The following CDH12 variants were observed in gnomAD, a reference collection of about 807,000 sequenced individuals.
The protein encoded by CDH12 is cadherin 12, also known as cadherin-12.
A neutral mutation model predicts 74.1 loss-of-function variants in CDH12; 41 were observed. The ratio of observed to expected loss-of-function variants is 0.55; its 90% CI spans 0.43 to 0.72. The LOEUF is 0.72. CDH12 is among the 30% of genes least tolerant of loss of function. The probability of loss-of-function intolerance (pLI) is 0.00; values close to 1 mark genes in which losing one functional copy is unlikely to be tolerated. For missense variants in CDH12, 945 were observed against 977.2 expected, an observed-to-expected ratio of 0.97 and a Z score of 0.44; for synonymous variants, 399 against 355.0, an observed-to-expected ratio of 1.12 and a Z score of -1.39.
intron 2 of CDH12, among the ~76,000 whole-genome samples, chr5:22,499,868 A>C (rs906467009): frequency 1.3e-5 from 2 of 152,158 alleles, no homozygotes; most frequent in Non-Finnish European, 2.9e-5. Context: ...TATCTGCCAC[A>C]CTGGCCACAC....
chr5:22,586,505 A>ATATG (rs10690167), intron 1 of CDH12, among the ~76,000 whole-genome samples: 1 of 147,370 alleles, frequency 6.8e-6, no homozygotes, highest in Non-Finnish European at 1.5e-5. Flanking sequence ...ATATATATAT[A>ATATG]AATAAAAATA....
chr5:22,282,264 A>G (rs1025472583), intron 3 of CDH12, among the ~76,000 whole-genome samples: 1 of 152,216 alleles, frequency 6.6e-6, no homozygotes, highest in African/African-American at 2.4e-5. Flanking sequence ...ACAGACTTAA[A>G]CATACGACCT....
At chr5:22,567,413 T>C (rs1382395544) in intron 1 of CDH12, among the ~76,000 whole-genome samples, 3 of 152,234 alleles carry the variant, frequency 2.0e-5, no homozygotes, top group Admixed American at 6.5e-5. Context: ...CGTCTCTCCC[T>C]CATCAGGTCT....
At chr5:22,531,604 T>C (rs1353803274) in intron 1 of CDH12, among the ~76,000 whole-genome samples, 1 of 152,138 alleles carries the variant, frequency 6.6e-6, no homozygotes, top group Non-Finnish European at 1.5e-5. Flanking sequence ...TAACATATTA[T>C]GCAGAAATAT....
At chr5:22,697,423 T>A (rs961834703) in intron 1 of CDH12, among the ~76,000 whole-genome samples, 3 of 151,564 alleles carry the variant, frequency 2.0e-5, no homozygotes, top group Non-Finnish European at 4.4e-5. Flanking sequence ...ATAGAAAAAA[T>A]TAGCCAGGCG....
At chr5:22,203,113 T>A (rs1305625488) in intron 4 of CDH12, among the ~76,000 whole-genome samples, 2 of 152,190 alleles carry the variant, frequency 1.3e-5, no homozygotes, top group Non-Finnish European at 2.9e-5. Context: ...GTGAGAGCAT[T>A]CAAAATTTTC....
At chr5:22,540,154 T>C (rs1489915955) in intron 1 of CDH12, among the ~76,000 whole-genome samples, 1 of 152,060 alleles carries the variant, frequency 6.6e-6, no homozygotes, top group Non-Finnish European at 1.5e-5. Context: ...TATTTTACAT[T>C]ATCAAAATAT....
At chr5:21,904,170 GT>G (rs1753527974) in intron 6 of CDH12, among the ~76,000 whole-genome samples, 1 of 152,068 alleles carries the variant, frequency 6.6e-6, no homozygotes, top group Admixed American at 6.6e-5. Context: ...TTTTCCCCGT[GT>G]AAAAATGTTT....
chr5:22,114,194 C>T (rs1030550680), intron 4 of CDH12, among the ~76,000 whole-genome samples: 1 of 152,228 alleles, frequency 6.6e-6, no homozygotes, highest in East Asian at 1.9e-4. Context: ...ATCAGTTCCC[C>T]GCATTGAATT....
At chr5:22,601,086 T>A (rs910059762) in intron 1 of CDH12, among the ~76,000 whole-genome samples, 5 of 152,140 alleles carry the variant, frequency 3.3e-5, no homozygotes, top group Non-Finnish European at 7.4e-5. Context: ...TTAAGTGATA[T>A]ATTTCTTTTA....
At chr5:22,714,727 TAGACGTTCTGCAGTAATCATATTG>T (rs1279501652) in intron 1 of CDH12, among the ~76,000 whole-genome samples, 3 of 152,170 alleles carry the variant, frequency 2.0e-5, no homozygotes, top group Non-Finnish European at 4.4e-5. Context: ...ATAGTAAAAT[TAGACGTTCTGCAGTAATCATATTG>T]AGATTTGTTT....
intron 3 of CDH12, among the ~76,000 whole-genome samples, chr5:22,231,389 A>T (rs1484114215): frequency 6.6e-6 from 1 of 151,186 alleles, no homozygotes; most frequent in African/African-American, 2.4e-5. Context: ...TTTAATGATT[A>T]TTTCCTTCTT....
intron 9 of CDH12, among the ~76,000 whole-genome samples, chr5:21,808,346 TA>T (rs1747552451): frequency 6.6e-6 from 1 of 152,050 alleles, no homozygotes; most frequent in Non-Finnish European, 1.5e-5. Context: ...TACTCTTCTG[TA>T]TTACTTCAAT....
chr5:21,839,234 A>G (rs1749706550), intron 8 of CDH12, among the ~76,000 whole-genome samples: 1 of 152,180 alleles, frequency 6.6e-6, no homozygotes, highest in South Asian at 2.1e-4. Context: ...CTCCTTTTAT[A>G]TCTCTTTTTT....
intron 3 of CDH12, among the ~76,000 whole-genome samples, chr5:22,290,160 G>C (rs1737319947): frequency 2.0e-5 from 3 of 152,092 alleles, no homozygotes; most frequent in Admixed American, 2.0e-4. Flanking sequence ...GTCAAAGCCA[G>C]TCTGCAAAGA....
chr5:22,422,198 A>T (rs1395336469), intron 2 of CDH12, among the ~76,000 whole-genome samples: 1 of 152,026 alleles, frequency 6.6e-6, no homozygotes, highest in African/African-American at 2.4e-5. Context: ...ATTCAGTATG[A>T]TATTACCTGT....
chr5:21,751,651 T>TGTGTGTGTGA lies in CDH12; in HGVS notation c.*85_*86insTCACACACAC, dbSNP rs766005547. 1,561 of 957,766 alleles carry TGTGTGTGTGA rather than the reference T, an allele frequency of 1.6e-3. 5 individuals carry two copies. The highest frequency in any genetic ancestry group is 4.5e-3 in the South Asian group (273 of 61,294). The allele number at this position is 957,766 out of a possible 1,614,324, so 59.3% of individuals were successfully genotyped here. On this transcript the variant is annotated 3_prime_UTR_variant, in exon 15 of 15. Transcript: ENST00000382254. ...GTGTGTTTGTGTGTGTGTGTGTGTG[T>TGTGTGTGTGA]GAGAGAGATTTCTATTAATATTTGT...
chr5:21,945,177 C>A (rs1755514584), intron 6 of CDH12, among the ~76,000 whole-genome samples: 1 of 152,010 alleles, frequency 6.6e-6, no homozygotes, highest in African/African-American at 2.4e-5. Context: ...GTAATCCCAG[C>A]ACTGTGGGAG....
intron 6 of CDH12, among the ~76,000 whole-genome samples, chr5:21,887,120 T>A (rs1266276581): frequency 6.6e-6 from 1 of 152,176 alleles, no homozygotes; most frequent in African/African-American, 2.4e-5. Flanking sequence ...CTTTATTATT[T>A]CTGAGCTTGA....
Sources: allele counts gnomAD v4.1 joint callset (sites outside exome capture counted in the v4.1 genomes callset), GRCh38; gene constraint gnomAD v4.1.1; transcripts MANE v1.5; gene names NCBI Gene and HGNC (gene_info 2026-07-23, HGNC 2026-07-21).